The following GPC5 variants were observed in gnomAD, a reference collection of about 807,000 sequenced individuals.
GPC5 encodes the protein glypican-5.
GPC5 carries 47 observed loss-of-function variants against 53.9 expected under a neutral mutation model. The ratio of observed to expected loss-of-function variants is 0.87; its 90% CI spans 0.69 to 1.11. GPC5 has a LOEUF of 1.11. Ranked by LOEUF, GPC5 falls within the 50% of genes most tolerant of loss-of-function variation. The pLI is 0.00. For synonymous variants in GPC5, 286 were observed against 263.3 expected (o/e 1.09, Z -0.84); for missense variants, 748 against 713.1 (o/e 1.05, Z -0.56).
intron 6 of GPC5, among the ~76,000 whole-genome samples, chr13:91,962,003 G>T (rs1156913722): frequency 6.6e-6 from 1 of 152,086 alleles, no homozygotes; most frequent in African/African-American, 2.4e-5. Context: ...CAAAGACAAA[G>T]TAAAAGTAGC....
At chr13:92,229,172 T>A (rs926379328) in intron 7 of GPC5, among the ~76,000 whole-genome samples, 3 of 152,046 alleles carry the variant, frequency 2.0e-5, no homozygotes, top group Admixed American at 2.0e-4. Context: ...GTGTTAAAGA[T>A]GTTAAGTGGG....
chr13:91,981,382 C>T (rs1454436918), intron 6 of GPC5, among the ~76,000 whole-genome samples: 9 of 151,836 alleles, frequency 5.9e-5, no homozygotes, highest in Non-Finnish European at 1.3e-4. Flanking sequence ...CTCCGCCTCC[C>T]GGGTTCACGC....
rs545499718 is a variant in GPC5 at position 91,715,048 on chromosome 13, G to T, written c.1021-13484G>T. Among the ~76,000 whole-genome samples the T allele has an allele frequency of 2.0e-5, 3 of 152,316 alleles. No homozygotes were observed. In the East Asian group the frequency reaches 5.8e-4, roughly 29 times the overall value. ...CTACTTCTAATTACATGCAGATTAA[G>T]GGGTGGTTTATGCAGAAATTTCTAG... On this transcript the variant is annotated intron_variant, in intron 3 of 7. Coordinates refer to ENST00000377067, the MANE Select transcript of GPC5 (RefSeq NM_004466.6).
At chr13:91,778,401 G>A (rs562514690) in intron 5 of GPC5, among the ~76,000 whole-genome samples, 8 of 152,072 alleles carry the variant, frequency 5.3e-5, no homozygotes, top group Admixed American at 3.9e-4. Context: ...TATAAGTTTC[G>A]TGTCCTGACA....
rs531579161 is a variant in GPC5, at chr13:91,459,954, G to A, written c.325+11032G>A. Among the ~76,000 whole-genome samples, 4 of 152,196 alleles carry A rather than the reference G, an allele frequency of 2.6e-5. No homozygotes were observed. In the South Asian group the frequency reaches 8.3e-4, roughly 32 times the overall value. On this transcript the variant is annotated intron_variant, in intron 2 of 7. Coordinates refer to ENST00000377067, the MANE Select transcript of GPC5 (RefSeq NM_004466.6). ...ATAATGCAAATAAATAAATCAACCT[G>A]AGTTAAATTTATAACAAACTTTGAA... is the stretch of plus-strand genomic sequence containing the variant.
At chr13:92,330,854 A>C (rs555087542) in intron 7 of GPC5, among the ~76,000 whole-genome samples, 4 of 152,166 alleles carry the variant, frequency 2.6e-5, no homozygotes, top group African/African-American at 4.8e-5. Context: ...AGCACACTCC[A>C]GGACATTCCA....
At chr13:92,737,399 A>G (rs1263813358) in intron 7 of GPC5, among the ~76,000 whole-genome samples, 1 of 152,064 alleles carries the variant, frequency 6.6e-6, no homozygotes, top group Non-Finnish European at 1.5e-5. Context: ...ATTCTAGCCA[A>G]AGAAAAAAAT....
At chr13:92,059,534 C>T (rs1356561827) in intron 6 of GPC5, among the ~76,000 whole-genome samples, 2 of 150,342 alleles carry the variant, frequency 1.3e-5, no homozygotes, top group Non-Finnish European at 3.0e-5. Flanking sequence ...ACTAGATATG[C>T]TTTTGTGTAT....
intron 2 of GPC5, among the ~76,000 whole-genome samples, chr13:91,567,000 C>A (rs538210022): frequency 7.7e-4 from 113 of 146,452 alleles, no homozygotes; most frequent in African/African-American, 2.8e-3. Context: ...AAAGAAAAGG[C>A]AAATGCATTA....
At chr13:92,095,204 A>T (rs185467200) in intron 6 of GPC5, among the ~76,000 whole-genome samples, 14 of 152,316 alleles carry the variant, frequency 9.2e-5, no homozygotes, top group Admixed American at 8.5e-4. Flanking sequence ...GAGCAGGAAA[A>T]ATTGCTGAGG....
chr13:91,879,360 C>G (rs897919237), intron 5 of GPC5, among the ~76,000 whole-genome samples: 1 of 152,102 alleles, frequency 6.6e-6, no homozygotes, highest in Admixed American at 6.5e-5. Context: ...ATCGGTCATG[C>G]ATGTTAAATA....
chr13:91,624,522 A>ACTAC (rs2033948635), intron 2 of GPC5, among the ~76,000 whole-genome samples: 2 of 152,130 alleles, frequency 1.3e-5, no homozygotes, highest in Non-Finnish European at 2.9e-5. Context: ...AAGACATAGA[A>ACTAC]GATTCAGATT....
chr13:92,441,858 C>A (rs7320711), intron 7 of GPC5, among the ~76,000 whole-genome samples: 46,168 of 152,044 alleles, frequency 0.3, 7,905 homozygotes, highest in East Asian at 0.61. Flanking sequence ...ATGGAACCAA[C>A]GAAGAATCCA....
chr13:92,610,030 CAAAAAA>C (rs56913637), intron 7 of GPC5, among the ~76,000 whole-genome samples: 4 of 70,838 alleles, frequency 5.6e-5, no homozygotes, highest in African/African-American at 1.1e-4. Flanking sequence ...GACTCCATCT[CAAAAAA>C]AAAAAAAAAA....
At chr13:92,259,455 T>C (rs973431575) in intron 7 of GPC5, among the ~76,000 whole-genome samples, 20 of 152,284 alleles carry the variant, frequency 1.3e-4, no homozygotes, top group African/African-American at 4.8e-4. Flanking sequence ...GATTGAAAAC[T>C]CCAGTGGTCC....
At chr13:91,682,428 C>T (rs1163258561) in intron 2 of GPC5, among the ~76,000 whole-genome samples, 1 of 152,166 alleles carries the variant, frequency 6.6e-6, no homozygotes, top group Non-Finnish European at 1.5e-5. Flanking sequence ...ATTTAATTCT[C>T]ACAGCTGTTC....
chr13:92,739,897 G>T (rs1208345972), intron 7 of GPC5, among the ~76,000 whole-genome samples: 1 of 151,980 alleles, frequency 6.6e-6, no homozygotes, highest in Admixed American at 6.6e-5. Context: ...TGTAGGAGTT[G>T]TTGTTCTTTT....
intron 7 of GPC5, among the ~76,000 whole-genome samples, chr13:92,790,273 G>A (rs892827440): frequency 2.0e-5 from 3 of 151,996 alleles, no homozygotes; most frequent in African/African-American, 7.3e-5. Context: ...CATCACAGAA[G>A]GATAGTTAGA....
chr13:91,627,844 T>G (rs879643254), intron 2 of GPC5, among the ~76,000 whole-genome samples: 3 of 152,158 alleles, frequency 2.0e-5, no homozygotes, highest in Non-Finnish European at 4.4e-5. Context: ...ATGTTCCTCC[T>G]AATAGTATTC....
Sources: allele counts gnomAD v4.1 joint callset (sites outside exome capture counted in the v4.1 genomes callset), GRCh38; gene constraint gnomAD v4.1.1; transcripts MANE v1.5; gene names NCBI Gene and HGNC (gene_info 2026-07-23, HGNC 2026-07-21).